The following TRIM7 variants were observed in gnomAD, a reference collection of about 807,000 sequenced individuals.
TRIM7 encodes tripartite motif containing 7.
A neutral mutation model predicts 37.9 loss-of-function variants in TRIM7; 32 were observed. The ratio of observed to expected loss-of-function variants is 0.84; its 90% CI spans 0.64 to 1.13. The LOEUF is 1.13. Among genes scored for constraint, TRIM7 ranks in the 50% most tolerant of loss-of-function variants. The pLI, the probability that TRIM7 is intolerant of heterozygous loss-of-function variation, is 0.00. For synonymous variants in TRIM7, 351 were observed against 321.3 expected (o/e 1.09, Z -0.99); for missense variants, 732 against 714.0 (o/e 1.03, Z -0.29).
chr5:181,198,189 C>G lies in TRIM7; in HGVS notation c.1018G>C (p.Glu340Gln). The G allele has an allele frequency of 6.2e-7, 1 of 1,614,108 alleles. No homozygotes were observed. The highest frequency in any genetic ancestry group is 8.5e-7 in the Non-Finnish European group (1 of 1,179,962). ...ATCACAGCACCATCCCTACCTTTCT[C>G]CTCTTTCTCCAGCTCTCCCCGAAGG... ...EDLRGELEKE[E>Q]KVELTLDPDT... is the part of the protein sequence containing the mutation. The change falls in exon 6 of 7, where the codon GAG becomes CAG. Residue 340 changes from glutamate (E) to glutamine (Q), a missense_variant. Coordinates refer to ENST00000274773, the MANE Select transcript of TRIM7 (RefSeq NM_203293.3).
rs1757701878 is a variant in TRIM7, at chr5:181,204,533, C to A, written c.522+56G>T. 2.3e-6 allele frequency: 3 copies of A among 1,305,922 alleles called. 1 individual carries two copies. The highest frequency in any genetic ancestry group is 5.9e-4 in the Middle Eastern group (2 of 3,418). The allele number at this position is 1,305,922 out of a possible 1,614,324, so 80.9% of individuals were successfully genotyped here. ...TCTCTGCACCCCGTGCGCGGGAGCG[C>A]GGGACCAAGTCAGGGGGTCCCGGGG... On this transcript the variant is annotated intron_variant, in intron 1 of 6. Transcript: ENST00000274773.
At position 181,195,054 on chromosome 5, in the gene TRIM7, C is replaced by A; in HGVS notation, c.*112G>T. 1.5e-6 allele frequency: 2 copies of A among 1,351,416 alleles called. No homozygotes were observed. The highest frequency in any genetic ancestry group is 2.9e-5 in the South Asian group (2 of 69,182). The allele number at this position is 1,351,416 out of a possible 1,614,324, so 83.7% of individuals were successfully genotyped here. On this transcript the variant is annotated 3_prime_UTR_variant, in exon 7 of 7. Coordinates refer to ENST00000274773, the MANE Select transcript of TRIM7 (RefSeq NM_203293.3). ...TGTGTCTGTAGCAGGCTCTCTTGGG[C>A]AGCAGGGGTCAGGAGCACGGAGGGC...
rs1412060069 is a variant in TRIM7 at position 181,204,821 on chromosome 5, G to A, written c.290C>T (p.Ala97Val). The stretch of plus-strand genomic sequence containing the variant: ...GCGCCGCAGGAGCGTGGCCACTGCC[G>A]CCAGCTGCCGGTTGGGCCGCAGCTG... Reference protein sequence around the residue: ...PSQLRPNRQLAAVATLLRRFS... With the variant: ...PSQLRPNRQLVAVATLLRRFS... Residue 97 changes from alanine (A) to valine (V), a missense_variant, in exon 1 of 7, where the codon GCG becomes GTG. Ala to Val is a moderately conservative substitution (Grantham distance 64). Transcript: ENST00000274773. The A allele has an allele frequency of 2.9e-6, 4 of 1,379,720 alleles. No individual in the cohort carries two copies. Among genetic ancestry groups the A allele is most frequent in the South Asian group, 1.7e-5 (1 of 57,748 alleles). The allele number at this position is 1,379,720 out of a possible 1,614,324, so 85.5% of individuals were successfully genotyped here.
chr5:181,200,523 C>T (rs1304112598), intron 2 of TRIM7: 19 of 1,055,962 alleles, frequency 1.8e-5, no homozygotes, highest in Non-Finnish European at 2.2e-5. Flanking sequence ...TTTTTAAAGG[C>T]CATCTTTCCT....
At chr5:181,198,577 A>G in intron 5 of TRIM7, 113 bp downstream of exon 5, 3 of 778,200 alleles carry the variant, frequency 3.9e-6, no homozygotes, top group East Asian at 2.6e-5. Flanking sequence ...TGGCACAGCC[A>G]GCTCCTATTT....
At position 181,195,570 on chromosome 5, in the gene TRIM7, A is replaced by G; in HGVS notation, c.1132T>C (p.Cys378Arg). The change falls in exon 7 of 7, where the codon TGC (cysteine) becomes CGC (arginine). Residue 378 changes from cysteine to arginine, a missense_variant. Coordinates refer to ENST00000274773, the MANE Select transcript of TRIM7 (RefSeq NM_203293.3). The stretch of plus-strand genomic sequence containing the variant: ...ACGCGGGTGTTGGTGTCGAAGCGGC[A>G]GGGGTGGTTGGGCAGGTCCTGGGCC... ...ERAQDLPNHP[C>R]RFDTNTRVLA... 17 of 1,608,300 alleles carry G rather than the reference A, an allele frequency of 1.1e-5. No individual in the cohort carries two copies. The highest frequency in any genetic ancestry group is 1.4e-5 in the Non-Finnish European group (17 of 1,176,146).
chr5:181,204,781 C>A lies in TRIM7; in HGVS notation c.330G>T (p.Ala110=), dbSNP rs750312254. 1 of 1,428,870 alleles carries A rather than the reference C, an allele frequency of 7.0e-7. No homozygotes were observed. The highest frequency in any genetic ancestry group is 1.4e-5 in the South Asian group (1 of 69,004). 88.5% of individuals were successfully genotyped at this position (1,428,870 alleles called of 1,614,324 possible). ...ATLLRRFSLP[A]AAPGEHGSQA... ...GAGACCCGTGCTCTCCCGGGGCAGCCGCGGGCAGGCTGAAGCGCCGCAGGA... is the reference window on the plus strand; with the variant it reads ...GAGACCCGTGCTCTCCCGGGGCAGCAGCGGGCAGGCTGAAGCGCCGCAGGA... Residue 110 remains alanine (A), a synonymous_variant, in exon 1 of 7, where the codon GCG becomes GCT. Coordinates refer to ENST00000274773, the MANE Select transcript of TRIM7 (RefSeq NM_203293.3).
Position 181,204,658 on chromosome 5 carries a change from C to A in TRIM7, c.453G>T (p.Val151=). ...CQDDGRAICV[V]CDRAREHREH... ...CGCGGTGCTCGCGGGCGCGGTCGCA[C>A]ACCACGCAGATGGCGCGTCCGTCGT... The change falls in exon 1 of 7, where the codon GTG becomes GTT. Residue 151 remains valine, a synonymous_variant. Transcript: ENST00000274773. The A allele has an allele frequency of 6.6e-7, 1 of 1,511,036 alleles. No individual in the cohort carries two copies. Among genetic ancestry groups the A allele is most frequent in the Admixed American group, 2.1e-5 (1 of 47,964 alleles). 93.6% of individuals were successfully genotyped at this position (1,511,036 alleles called of 1,614,324 possible). A position where few individuals can be genotyped will look rare whatever the true frequency, so the allele number is the denominator to read the frequency against.
chr5:181,200,064 C>A lies in TRIM7; in HGVS notation c.636G>T (p.Glu212Asp). The A allele has an allele frequency of 5.0e-6, 8 of 1,614,250 alleles. No homozygotes were observed. The highest frequency in any genetic ancestry group is 5.9e-6 in the Non-Finnish European group (7 of 1,180,046). The change falls in exon 3 of 7, where the codon GAG (glutamate) becomes GAT (aspartate). Residue 212 changes from glutamate to aspartate, a missense_variant. Glu to Asp is a conservative substitution (Grantham distance 45). Coordinates refer to ENST00000274773, the MANE Select transcript of TRIM7 (RefSeq NM_203293.3). ...SKELLKQMAA[E>D]QEKVGAEFQA... is the part of the protein sequence containing the mutation. ...GGAACTCTGCCCCCACCTTCTCCTG[C>A]TCCGCTGCCATCTGTTTCTGTCCCA...
chr5:181,195,289 G>A lies in TRIM7; in HGVS notation c.1413C>T (p.Ala471=), dbSNP rs1330481117. 2 of 1,605,582 alleles carry A rather than the reference G, an allele frequency of 1.2e-6. No homozygotes were observed. Among genetic ancestry groups the A allele is most frequent in the South Asian group, 1.1e-5 (1 of 89,990 alleles). ...TGTCCTCCACAGCGTAGAAGGACAC[G>A]GCTCCCACCTCCAGGTCCAGGGCCA... ...VRVALDLEVG[A]VSFYAVEDMR... Residue 471 remains alanine (A), a synonymous_variant, in exon 7 of 7, where the codon GCC becomes GCT. Transcript: ENST00000274773.
chr5:181,204,797 C>G lies in TRIM7; in HGVS notation c.314G>C (p.Arg105Pro). The G allele has an allele frequency of 7.0e-7, 1 of 1,422,670 alleles. No homozygotes were observed. Among genetic ancestry groups the G allele is most frequent in the South Asian group, 1.5e-5 (1 of 67,648 alleles). 88.1% of individuals were successfully genotyped at this position (1,422,670 alleles called of 1,614,324 possible). A position where few individuals can be genotyped will look rare whatever the true frequency, so the allele number is the denominator to read the frequency against. ...CGGGGCAGCCGCGGGCAGGCTGAAG[C>G]GCCGCAGGAGCGTGGCCACTGCCGC... ...QLAAVATLLR[R>P]FSLPAAAPGE... is the part of the protein sequence containing the mutation. The change falls in exon 1 of 7, where the codon CGC (arginine) becomes CCC (proline). Residue 105 changes from arginine to proline, a missense_variant. Transcript: ENST00000274773.
chr5:181,194,595 A>C lies in TRIM7; in HGVS notation c.*571T>G, dbSNP rs10078267. The C allele has an allele frequency of 0.18, 28,181 of 152,384 alleles. 5,425 individuals are homozygous for C. Among genetic ancestry groups the C allele is most frequent in the African/African-American group, 0.5 (20,698 of 41,456 alleles). The allele number at this position is 152,384 out of a possible 1,614,324, so 9.4% of individuals were successfully genotyped here. A position where few individuals can be genotyped will look rare whatever the true frequency, so the allele number is the denominator to read the frequency against. Reference sequence around the variant, plus strand: ...CACTGGCTGTTGTCCCGGGCTTGTCACTCAAAGACGGGACAGATGTCTCCT... The same window carrying C: ...CACTGGCTGTTGTCCCGGGCTTGTCCCTCAAAGACGGGACAGATGTCTCCT... On this transcript the variant is annotated 3_prime_UTR_variant, in exon 7 of 7. Coordinates refer to ENST00000274773, the MANE Select transcript of TRIM7 (RefSeq NM_203293.3).
intron 2 of TRIM7, chr5:181,202,843 C>T (rs149904604): frequency 0.04 from 6,124 of 152,378 alleles, 168 homozygotes; most frequent in South Asian, 0.11. Context: ...GGATTACAGG[C>T]GTGAGCCACC....
rs557065766 is a variant in TRIM7 at position 181,204,438 on chromosome 5, C to A, written c.522+151G>T. On this transcript the variant is annotated intron_variant, in intron 1 of 6. Transcript: ENST00000274773. ...CAGAGAACCGCGCTCAGCCCGGGAA[C>A]CAGCGCTGGGCTTCCTGGAATGGAG... 6.9e-6 allele frequency: 8 copies of A among 1,153,506 alleles called. No individual in the cohort carries two copies. In the East Asian group the frequency reaches 1.6e-4, roughly 23 times the overall value. The allele number at this position is 1,153,506 out of a possible 1,614,324, so 71.5% of individuals were successfully genotyped here. A position where few individuals can be genotyped will look rare whatever the true frequency, so the allele number is the denominator to read the frequency against.
Position 181,204,617 on chromosome 5 carries a change from G to A in TRIM7, c.494C>T (p.Pro165Leu). 6.8e-7 allele frequency: 1 copy of A among 1,466,336 alleles called. No individual in the cohort carries two copies. The highest frequency in any genetic ancestry group is 2.8e-5 in the East Asian group (1 of 36,228). 90.8% of individuals were successfully genotyped at this position (1,466,336 alleles called of 1,614,324 possible). A position where few individuals can be genotyped will look rare whatever the true frequency, so the allele number is the denominator to read the frequency against. The change falls in exon 1 of 7, where the codon CCG becomes CTG. Residue 165 changes from proline to leucine, a missense_variant. By Grantham distance (98) the Pro-to-Leu change is moderately conservative (BLOSUM62 -3). Coordinates refer to ENST00000274773, the MANE Select transcript of TRIM7 (RefSeq NM_203293.3). ...AREHREHAVL[P>L]LDEAVQEAKE... is the part of the protein sequence containing the mutation. ...GGCCTCCTGCACCGCCTCGTCCAGCGGCAGCACGGCGTGCTCGCGGTGCTC... is the reference window on the plus strand; with the variant it reads ...GGCCTCCTGCACCGCCTCGTCCAGCAGCAGCACGGCGTGCTCGCGGTGCTC...
At position 181,204,871 on chromosome 5, in the gene TRIM7, C is replaced by T. The variant is rs1288273252; in HGVS notation, c.240G>A (p.Gln80=). The change falls in exon 1 of 7, where the codon CAG becomes CAA. Residue 80 remains glutamine, a synonymous_variant. Coordinates refer to ENST00000274773, the MANE Select transcript of TRIM7 (RefSeq NM_203293.3). ...RAPPFPLPCP[Q]CREPARPSQL... ...GACTGGGGCGCGCGGGCTCGCGGCA[C>T]TGCGGACAGGGCAGTGGGAAGGGGG... 2 of 1,348,796 alleles carry T rather than the reference C, an allele frequency of 1.5e-6. No individual in the cohort carries two copies. Among genetic ancestry groups the T allele is most frequent in the African/African-American group, 1.5e-5 (1 of 64,682 alleles). 83.6% of individuals were successfully genotyped at this position (1,348,796 alleles called of 1,614,324 possible).
chr5:181,194,681 G>A lies in TRIM7; in HGVS notation c.*485C>T, dbSNP rs1756988123. 1 of 153,678 alleles carries A rather than the reference G, an allele frequency of 6.5e-6. No homozygotes were observed. The highest frequency in any genetic ancestry group is 2.0e-4 in the South Asian group (1 of 4,898). 9.5% of individuals were successfully genotyped at this position (153,678 alleles called of 1,614,324 possible). On this transcript the variant is annotated 3_prime_UTR_variant, in exon 7 of 7. Coordinates refer to ENST00000274773, the MANE Select transcript of TRIM7 (RefSeq NM_203293.3). ...GCACAGGGCTCCTCCCTGAGTAGAT[G>A]ACCTGTCAGGTCAGCTGGATCCAGA...
At chr5:181,204,368 A>C in intron 1 of TRIM7, 3 of 1,214,634 alleles carry the variant, frequency 2.5e-6, no homozygotes, top group South Asian at 3.8e-5. Context: ...CCCAGAGGGA[A>C]ACGCAGTGGG....
chr5:181,199,265 C>T, intron 3 of TRIM7, 148 bp from the exon 4 acceptor site: 1 of 858,708 alleles, frequency 1.2e-6, no homozygotes, highest in Non-Finnish European at 1.9e-6. Context: ...TCAGGGGCAG[C>T]AGCTTCCAGT....
Sources: gnomAD v4.1 joint callset for allele counts on GRCh38, gnomAD v4.1.1 for gene constraint, MANE v1.5 for transcripts, NCBI Gene and HGNC (gene_info 2026-07-23, HGNC 2026-07-21) for gene names.